FHIP1A: variants seen among roughly 807,000 people sequenced by gnomAD.
The protein encoded by FHIP1A is FHF complex subunit HOOK interacting protein 1A.
Under a neutral mutation model 88.6 loss-of-function variants are expected in FHIP1A, and 61 were observed. The ratio of observed to expected loss-of-function variants is 0.69; its 90% CI spans 0.56 to 0.85. FHIP1A has a LOEUF of 0.85. Among genes scored for constraint, FHIP1A ranks in the 40% least tolerant of loss-of-function variants. The pLI is 0.00. For synonymous variants in FHIP1A, 478 were observed against 496.0 expected (o/e 0.96, Z 0.48); for missense variants, 1,154 against 1,273.5 (o/e 0.91, Z 1.43).
chr4:151,629,751 T>G lies in FHIP1A; in HGVS notation c.1028T>G (p.Leu343Arg), dbSNP rs1560808888. The change falls in exon 8 of 14, where the codon CTG becomes CGG. Residue 343 changes from leucine (L) to arginine (R), a missense_variant. Leu to Arg is a moderately radical substitution (Grantham distance 102). Coordinates refer to ENST00000435205, the MANE Select transcript of FHIP1A (RefSeq NM_001109977.3). ...MTTTAYLDLF[L>R]RSISEPALLE... ...ACAACTGCATATCTGGACCTTTTCC[T>G]GCGTAGCATCTCCGAGCCAGCACTA... is the stretch of plus-strand genomic sequence containing the variant. 1 of 1,551,434 alleles carries G rather than the reference T, an allele frequency of 6.4e-7. No homozygotes were observed. Among genetic ancestry groups the G allele is most frequent in the Non-Finnish European group, 8.7e-7 (1 of 1,146,804 alleles).
chr4:151,564,302 TTATG>T (rs1280172663), intron 3 of FHIP1A, among the ~76,000 whole-genome samples: 3 of 152,246 alleles, frequency 2.0e-5, no homozygotes, highest in Non-Finnish European at 1.5e-5. Context: ...GTTATGATCA[TTATG>T]TAACCTAAAT....
intron 3 of FHIP1A, among the ~76,000 whole-genome samples, chr4:151,483,313 G>A (rs1729966151): frequency 6.6e-6 from 1 of 151,542 alleles, no homozygotes; most frequent in Non-Finnish European, 1.5e-5. Flanking sequence ...TTGTGGGGGT[G>A]GGGGGGTGTT....
chr4:151,663,480 A>G lies in FHIP1A; in HGVS notation c.*726A>G, dbSNP rs2126935807. 6.6e-6 allele frequency: 1 copy of G among 152,336 alleles called. No individual in the cohort carries two copies. The highest frequency in any genetic ancestry group is 6.5e-5 in the Admixed American group (1 of 15,306). 9.4% of individuals were successfully genotyped at this position (152,336 alleles called of 1,614,324 possible). ...CACTGAAGATGGCCTTATATTAGTA[A>G]GATTTGCACAAAATTAAGTATACCT... On this transcript the variant is annotated 3_prime_UTR_variant, in exon 14 of 14. Coordinates refer to ENST00000435205, the MANE Select transcript of FHIP1A (RefSeq NM_001109977.3).
At chr4:151,625,489 G>A (rs1735918404) in intron 7 of FHIP1A, among the ~76,000 whole-genome samples, 1 of 152,178 alleles carries the variant, frequency 6.6e-6, no homozygotes, top group Non-Finnish European at 1.5e-5. Flanking sequence ...GAGGATTCTG[G>A]TACTAATTTA....
At position 151,411,343 on chromosome 4, in the gene FHIP1A, A is replaced by ATTCTTTTTT. The variant is rs370374898; in HGVS notation, c.-356+1879_-356+1880insTCTTTTTTT. Reference sequence around the variant, plus strand: ...AATTGCCTCTGAGGAGTGAAATTATATATATATTTTTTTTTTTTTAAAGTT... The same window carrying ATTCTTTTTT: ...AATTGCCTCTGAGGAGTGAAATTATATTCTTTTTTTATATATTTTTTTTTTTTTAAAGTT... On this transcript the variant is annotated intron_variant, in intron 1 of 13. Coordinates refer to ENST00000435205, the MANE Select transcript of FHIP1A (RefSeq NM_001109977.3). 2.5e-3 allele frequency among the ~76,000 whole-genome samples: 275 copies of ATTCTTTTTT among 112,212 alleles called. 43 individuals carry two copies. Among genetic ancestry groups the ATTCTTTTTT allele is most frequent in the Middle Eastern group, 9.6e-3 (2 of 208 alleles). The allele number at this position is 112,212 out of a possible 152,430, so 73.6% of individuals were successfully genotyped here.
intron 3 of FHIP1A, among the ~76,000 whole-genome samples, chr4:151,516,106 T>C (rs1220998761): frequency 6.6e-6 from 1 of 152,154 alleles, no homozygotes; most frequent in Non-Finnish European, 1.5e-5. Context: ...AACAGAGATG[T>C]AGATCAATGG....
intron 1 of FHIP1A, among the ~76,000 whole-genome samples, chr4:151,412,610 T>TC (rs1732701675): frequency 2.5e-5 from 3 of 121,892 alleles, no homozygotes; most frequent in African/African-American, 9.9e-5. Flanking sequence ...CTTCCTTCCT[T>TC]CCTCCCTCCC....
At chr4:151,644,837 G>A (rs1736730382) in intron 9 of FHIP1A, among the ~76,000 whole-genome samples, 1 of 152,114 alleles carries the variant, frequency 6.6e-6, no homozygotes, top group Non-Finnish European at 1.5e-5. Flanking sequence ...TGCTAGAGCA[G>A]CATTGTCTTC....
chr4:151,650,453 A>G lies in FHIP1A; in HGVS notation c.2412A>G (p.Leu804=), dbSNP rs1736987058. Residue 804 remains leucine (L), a synonymous_variant, in exon 11 of 14, where the codon CTA becomes CTG. Coordinates refer to ENST00000435205, the MANE Select transcript of FHIP1A (RefSeq NM_001109977.3). ...GEKEKEGKKE[L]EDEEDDFDSF... ...AGGAGAAGGAGGGGAAGAAGGAGCT[A>G]GAAGATGAGGAGGATGACTTTGACT... The G allele has an allele frequency of 1.0e-5, 16 of 1,551,696 alleles. No homozygotes were observed. The highest frequency in any genetic ancestry group is 1.4e-5 in the Non-Finnish European group (16 of 1,146,956).
chr4:151,605,998 T>C (rs1735058610), intron 7 of FHIP1A, among the ~76,000 whole-genome samples: 1 of 152,214 alleles, frequency 6.6e-6, no homozygotes, highest in African/African-American at 2.4e-5. Context: ...AAGTACCATC[T>C]TCAAATTATT....
rs529579986 is a variant in FHIP1A, at chr4:151,450,345, T to C, written c.-355-4356T>C. Among the ~76,000 whole-genome samples the C allele has an allele frequency of 2.0e-5, 3 of 152,318 alleles. No individual in the cohort carries two copies. In the South Asian group the frequency reaches 6.2e-4, roughly 32 times the overall value. On this transcript the variant is annotated intron_variant, in intron 1 of 13. Transcript: ENST00000435205. ...AGCTGTTTCCATTTAATAATATCTTTTGGATATTTTTTCTTAGCACATATA... is the reference window on the plus strand; with the variant it reads ...AGCTGTTTCCATTTAATAATATCTTCTGGATATTTTTTCTTAGCACATATA...
At chr4:151,461,570 T>C (rs1729142711) in intron 2 of FHIP1A, among the ~76,000 whole-genome samples, 1 of 152,234 alleles carries the variant, frequency 6.6e-6, no homozygotes, top group South Asian at 2.1e-4. Flanking sequence ...ATACATTATA[T>C]GTATCAAAAC....
At chr4:151,642,918 AT>A (rs1023896291) in intron 9 of FHIP1A, among the ~76,000 whole-genome samples, 2 of 149,438 alleles carry the variant, frequency 1.3e-5, no homozygotes, top group Non-Finnish European at 3.0e-5. Context: ...TATGATACAT[AT>A]TTTATTTATA....
At position 151,495,955 on chromosome 4, in the gene FHIP1A, G is replaced by A. The variant is rs994696004; in HGVS notation, c.-123+13307G>A. On this transcript the variant is annotated intron_variant, in intron 3 of 13. Transcript: ENST00000435205. The stretch of plus-strand genomic sequence containing the variant: ...TCTTTTCTTACAATGATTATATATT[G>A]TTTTATGATTTAAAAATACTGTTAA... Among the ~76,000 whole-genome samples, 5 of 151,990 alleles carry A rather than the reference G, an allele frequency of 3.3e-5. No homozygotes were observed. The South Asian group carries it at 8.3e-4, about 25-fold the overall frequency.
At chr4:151,495,178 A>AT (rs1259895927) in intron 3 of FHIP1A, among the ~76,000 whole-genome samples, 1 of 152,146 alleles carries the variant, frequency 6.6e-6, no homozygotes, top group Non-Finnish European at 1.5e-5. Context: ...ATTTTATAAA[A>AT]TTGATCAAAT....
intron 1 of FHIP1A, among the ~76,000 whole-genome samples, chr4:151,422,096 A>T (rs1733191915): frequency 6.6e-6 from 1 of 152,032 alleles, no homozygotes; most frequent in African/African-American, 2.4e-5. Flanking sequence ...CTGGCCCACT[A>T]GGAACATTCA....
At position 151,650,001 on chromosome 4, in the gene FHIP1A, G is replaced by A. The variant is rs373417275; in HGVS notation, c.1960G>A (p.Glu654Lys). The change falls in exon 11 of 14, where the codon GAG (glutamate) becomes AAG (lysine). Residue 654 changes from glutamate (E) to lysine (K), a missense_variant. By Grantham distance (56) the Glu-to-Lys change is moderately conservative (BLOSUM62 1). Coordinates refer to ENST00000435205, the MANE Select transcript of FHIP1A (RefSeq NM_001109977.3). ...VYRLCAEKDS[E>K]DMKDSQEEAA... ...CAGGCTGTGTGCTGAGAAGGACTCCGAGGACATGAAGGATTCTCAGGAGGA... is the reference window on the plus strand; with the variant it reads ...CAGGCTGTGTGCTGAGAAGGACTCCAAGGACATGAAGGATTCTCAGGAGGA... The A allele has an allele frequency of 4.4e-5, 68 of 1,551,666 alleles. No homozygotes were observed. Among genetic ancestry groups the A allele is most frequent in the African/African-American group, 3.6e-4 (26 of 73,148 alleles).
chr4:151,644,752 T>A (rs1442953557), intron 9 of FHIP1A, among the ~76,000 whole-genome samples: 1 of 152,162 alleles, frequency 6.6e-6, no homozygotes, highest in African/African-American at 2.4e-5. Context: ...ATCCCTTTTG[T>A]TGCTGCTGCC....
intron 3 of FHIP1A, among the ~76,000 whole-genome samples, chr4:151,527,124 C>T (rs1168920501): frequency 2.6e-4 from 39 of 152,092 alleles, no homozygotes; most frequent in African/African-American, 7.5e-4. Flanking sequence ...GACGGGGTGG[C>T]GGCCGGGCAG....
Sources: gnomAD v4.1 joint callset for allele counts (sites outside exome capture counted in the v4.1 genomes callset) on GRCh38, gnomAD v4.1.1 for gene constraint, MANE v1.5 for transcripts, NCBI Gene and HGNC (gene_info 2026-07-23, HGNC 2026-07-21) for gene names.